DIAPH2: variants seen among roughly 807,000 people sequenced by gnomAD.
DIAPH2 encodes the protein diaphanous related formin 2.
In DIAPH2, 35 loss-of-function variants were observed where a neutral mutation model predicts 92.7. The ratio of observed to expected loss-of-function variants is 0.38; its 90% confidence interval spans 0.29 to 0.50. The LOEUF (loss-of-function observed/expected upper bound fraction) is 0.50, where lower values mean the gene tolerates loss of function less well. Among genes scored for constraint, DIAPH2 ranks in the 20% least tolerant of loss-of-function variants. The probability of loss-of-function intolerance (pLI) is 0.94; values close to 1 mark genes in which losing one functional copy is unlikely to be tolerated. For missense variants in DIAPH2, 701 were observed against 819.5 expected (o/e 0.86, Z 1.77); for synonymous variants, 301 against 280.4 (o/e 1.07, Z -0.73).
rs777974193 is a variant in DIAPH2, at chrX:97,003,396, G to A, written c.2050+38189G>A. On this transcript the variant is annotated intron_variant, in intron 17 of 26. Transcript: ENST00000324765. ...CTTCAAACTGTTCTCCATAGAGGTT[G>A]TACTAATTTACTTTCCCACCAACAA... Among the ~76,000 whole-genome samples the A allele has an allele frequency of 3.6e-5, 4 of 111,802 alleles. No individual in the cohort carries two copies. The Admixed American group carries it at 3.8e-4, about 11-fold the overall frequency.
intron 24 of DIAPH2, among the ~76,000 whole-genome samples, chrX:97,365,058 T>C (rs767750059): frequency 2.7e-5 from 3 of 111,247 alleles, no homozygotes; most frequent in Admixed American, 1.9e-4. Context: ...CAACTTGATA[T>C]CTTCTTTTCC....
intron 26 of DIAPH2, among the ~76,000 whole-genome samples, chrX:97,466,512 T>G (rs1346530255): frequency 1.8e-5 from 2 of 111,868 alleles, no homozygotes; most frequent in African/African-American, 3.2e-5. Flanking sequence ...TCACCTACTG[T>G]GACCCAGTAT....
intron 22 of DIAPH2, among the ~76,000 whole-genome samples, chrX:97,188,125 A>C (rs764411321): frequency 1.8e-5 from 2 of 112,178 alleles, no homozygotes; most frequent in Non-Finnish European, 3.8e-5. Flanking sequence ...AATCTTAGAG[A>C]ATAATGCCTA....
intron 4 of DIAPH2, among the ~76,000 whole-genome samples, chrX:96,771,313 C>G (rs1336692302): frequency 9.0e-6 from 1 of 111,590 alleles, no homozygotes; most frequent in Non-Finnish European, 1.9e-5. Context: ...TTTTGCATCA[C>G]AAATTCATTA....
rs2070106364 is a variant in DIAPH2 at position 97,429,669 on chromosome X, G to A, written c.3165G>A (p.Val1055=). Residue 1055 remains valine (V), a synonymous_variant, in exon 26 of 27, where the codon GTG becomes GTA. Transcript: ENST00000324765. ...DINKEGDETG[V]MDNLLEALQS... ...CTCCAGAGGGTGATGAGACTGGTGT[G>A]ATGGATAATCTTCTAGAAGCCCTAC... 1.7e-6 allele frequency: 2 copies of A among 1,207,799 alleles called. No homozygotes were observed. Among genetic ancestry groups the A allele is most frequent in the African/African-American group, 3.5e-5 (2 of 56,830 alleles).
chrX:96,891,107 A>G (rs1391543780), intron 5 of DIAPH2, among the ~76,000 whole-genome samples: 1 of 111,563 alleles, frequency 9.0e-6, no homozygotes, highest in African/African-American at 3.3e-5. Flanking sequence ...ATAAAAACCT[A>G]TGCTTCTCCA....
chrX:97,345,433 A>G (rs896749770), intron 23 of DIAPH2, among the ~76,000 whole-genome samples: 3 of 111,955 alleles, frequency 2.7e-5, no homozygotes, highest in Admixed American at 9.5e-5. Flanking sequence ...TGATTTCCCC[A>G]TTGACTTCCA....
At chrX:97,420,814 C>T (rs2147769508) in intron 25 of DIAPH2, among the ~76,000 whole-genome samples, 1 of 111,783 alleles carries the variant, frequency 8.9e-6, no homozygotes, top group East Asian at 2.8e-4. Flanking sequence ...GTCCTCTTTT[C>T]CATCTTGAAA....
chrX:97,176,303 A>G (rs1218772610), intron 22 of DIAPH2, among the ~76,000 whole-genome samples: 1 of 111,621 alleles, frequency 9.0e-6, no homozygotes, highest in African/African-American at 3.2e-5. Flanking sequence ...CTCTTTTATT[A>G]TTATATCTTT....
At chrX:97,580,022 T>A (rs1419788184) in intron 26 of DIAPH2, among the ~76,000 whole-genome samples, 1 of 111,805 alleles carries the variant, frequency 8.9e-6, no homozygotes, top group Non-Finnish European at 1.9e-5. Flanking sequence ...TGATTTTGTA[T>A]CCTGAGACTT....
At chrX:96,847,515 T>G (rs1192435229) in intron 4 of DIAPH2, among the ~76,000 whole-genome samples, 1 of 111,973 alleles carries the variant, frequency 8.9e-6, no homozygotes, top group Non-Finnish European at 1.9e-5. Flanking sequence ...TGCAGGTTGT[T>G]GTAAAAACTA....
intron 26 of DIAPH2, chrX:97,564,390 G>T (rs1215987466): frequency 8.9e-6 from 1 of 112,324 alleles, no homozygotes; most frequent in Admixed American, 9.4e-5. Flanking sequence ...ATTTCTAGAG[G>T]CTGGGAAGTC....
intron 22 of DIAPH2, 105 bp downstream of exon 22, chrX:97,141,899 T>C (rs1002591089): frequency 9.9e-6 from 9 of 911,504 alleles, no homozygotes; most frequent in Middle Eastern, 4.2e-4. Context: ...TTTTGTTTGT[T>C]TACTGATAAA....
At chrX:96,753,895 A>G (rs1295015329) in intron 3 of DIAPH2, among the ~76,000 whole-genome samples, 1 of 112,313 alleles carries the variant, frequency 8.9e-6, no homozygotes, top group Non-Finnish European at 1.9e-5. Context: ...TGCCACCTAC[A>G]TCAGCAAAAT....
intron 25 of DIAPH2, among the ~76,000 whole-genome samples, chrX:97,394,674 C>T (rs1170308033): frequency 8.9e-6 from 1 of 111,750 alleles, no homozygotes; most frequent in South Asian, 3.8e-4. Context: ...AAGGCAATAT[C>T]GTGTCATGCT....
intron 5 of DIAPH2, among the ~76,000 whole-genome samples, chrX:96,897,712 AT>A (rs2147766273): frequency 9.1e-6 from 1 of 109,377 alleles, no homozygotes; most frequent in East Asian, 2.9e-4. Context: ...TTTTTTTTCA[AT>A]TTTTTTAAAT....
At chrX:97,350,614 C>T (rs1308278137) in intron 24 of DIAPH2, among the ~76,000 whole-genome samples, 1 of 111,839 alleles carries the variant, frequency 8.9e-6, no homozygotes, top group Non-Finnish European at 1.9e-5. Context: ...GATTTTGTAT[C>T]CTGGTACTGC....
At chrX:97,083,514 T>C (rs2066762049) in intron 19 of DIAPH2, among the ~76,000 whole-genome samples, 1 of 111,532 alleles carries the variant, frequency 9.0e-6, no homozygotes, top group Non-Finnish European at 1.9e-5. Context: ...CTCTCTCTCT[T>C]CTTTTATTTT....
chrX:97,315,098 C>T (rs1460089575), intron 23 of DIAPH2, among the ~76,000 whole-genome samples: 1 of 111,235 alleles, frequency 9.0e-6, no homozygotes, highest in Non-Finnish European at 1.9e-5. Context: ...TTTTGTTAGA[C>T]TCTTAGCCTT....
Sources: allele counts gnomAD v4.1 joint callset (sites outside exome capture counted in the v4.1 genomes callset), GRCh38; gene constraint gnomAD v4.1.1; transcripts MANE v1.5; gene names NCBI Gene and HGNC (gene_info 2026-07-23, HGNC 2026-07-21).